The following ERN1 variants were observed in gnomAD, a reference collection of about 807,000 sequenced individuals.
The protein encoded by ERN1 is serine/threonine-protein kinase/endoribonuclease IRE1.
A neutral mutation model predicts 113.1 loss-of-function variants in ERN1; 39 were observed. The observed-to-expected ratio is 0.34, with a 90% CI of 0.27 to 0.45. ERN1 has a LOEUF of 0.45. Ranked by LOEUF, ERN1 falls within the 20% of genes least tolerant of loss-of-function variation. The pLI, the probability that ERN1 is intolerant of heterozygous loss-of-function variation, is 1.00. For synonymous variants in ERN1, 507 were observed against 515.9 expected (o/e 0.98, Z 0.23); for missense variants, 976 against 1,274.8 (o/e 0.77, Z 3.57).
In ERN1 at chr17:64,078,090, A is replaced by G. The variant is rs111942518; in HGVS notation, c.282+1572T>C. On this transcript the variant is annotated intron_variant, in intron 4 of 21. Transcript: ENST00000433197. ...AGGAGGGCATTACTGGGTCCTAAGGACTTTAGCACTTACTGCCAACAGTTT... is the reference window on the plus strand; with the variant it reads ...AGGAGGGCATTACTGGGTCCTAAGGGCTTTAGCACTTACTGCCAACAGTTT... 3.1e-3 allele frequency among the ~76,000 whole-genome samples: 477 copies of G among 152,252 alleles called. 2 individuals are homozygous for G. The highest frequency in any genetic ancestry group is 0.011 in the African/African-American group (462 of 41,530).
At chr17:64,082,824 A>G (rs2143416675) in intron 2 of ERN1, among the ~76,000 whole-genome samples, 1 of 150,604 alleles carries the variant, frequency 6.6e-6, no homozygotes, top group Non-Finnish European at 1.5e-5. Context: ...TTCCCGGGAC[A>G]ACTACATTGG....
At chr17:64,071,078 C>T (rs1350653265) in intron 6 of ERN1, among the ~76,000 whole-genome samples, 2 of 152,136 alleles carry the variant, frequency 1.3e-5, no homozygotes, top group Non-Finnish European at 2.9e-5. Flanking sequence ...AAGAAAGAGG[C>T]TGAAAAGGGA....
At chr17:64,124,399 C>T (rs1371689044) in intron 1 of ERN1, among the ~76,000 whole-genome samples, 2 of 152,224 alleles carry the variant, frequency 1.3e-5, no homozygotes, top group African/African-American at 4.8e-5. Context: ...TGTCCCCACC[C>T]AAATCTCATC....
At chr17:64,104,214 C>T (rs532274531) in intron 1 of ERN1, among the ~76,000 whole-genome samples, 1 of 152,292 alleles carries the variant, frequency 6.6e-6, no homozygotes, top group South Asian at 2.1e-4. Flanking sequence ...TGCACTCTAA[C>T]CTGAGCAACA....
At chr17:64,073,585 G>C (rs1350980901) in intron 5 of ERN1, among the ~76,000 whole-genome samples, 1 of 151,176 alleles carries the variant, frequency 6.6e-6, no homozygotes, top group South Asian at 2.1e-4. Context: ...TCCGCCTCCA[G>C]GGTTCAAGCG....
Position 64,041,999 on chromosome 17 carries a change from G to C in ERN1, c.*1989C>G, listed in dbSNP as rs1257453815. 6.6e-6 allele frequency: 1 copy of C among 152,260 alleles called. No individual in the cohort carries two copies. Among genetic ancestry groups the C allele is most frequent in the Admixed American group, 6.5e-5 (1 of 15,278 alleles). 9.4% of individuals were successfully genotyped at this position (152,260 alleles called of 1,614,324 possible). A position where few individuals can be genotyped will look rare whatever the true frequency, so the allele number is the denominator to read the frequency against. ...TAGAAATCACCTGGGTACTCCCAAAGAGAAAACCTGTGCTGAGAACGAGCT... is the reference window on the plus strand; with the variant it reads ...TAGAAATCACCTGGGTACTCCCAAACAGAAAACCTGTGCTGAGAACGAGCT... On this transcript the variant is annotated 3_prime_UTR_variant, in exon 22 of 22. Coordinates refer to ENST00000433197, the MANE Select transcript of ERN1 (RefSeq NM_001433.5).
chr17:64,084,925 G>A (rs899530712), intron 2 of ERN1, among the ~76,000 whole-genome samples: 6 of 152,130 alleles, frequency 3.9e-5, no homozygotes, highest in African/African-American at 1.4e-4. Context: ...ACCTCAGAGC[G>A]GTCTTCCATG....
chr17:64,108,045 C>T (rs1003620882), intron 1 of ERN1, among the ~76,000 whole-genome samples: 1 of 152,090 alleles, frequency 6.6e-6, no homozygotes, highest in African/African-American at 2.4e-5. Context: ...AAGGCCAAGG[C>T]CTAACTGAAC....
In ERN1 at chr17:64,040,689, G is replaced by A. The variant is rs1163802355; in HGVS notation, c.*3299C>T. 1 of 152,076 alleles carries A rather than the reference G, an allele frequency of 6.6e-6. No individual in the cohort carries two copies. The highest frequency in any genetic ancestry group is 1.5e-5 in the Non-Finnish European group (1 of 68,042). 9.4% of individuals were successfully genotyped at this position (152,076 alleles called of 1,614,324 possible). ...GATCAGAGTGATGTCTCCTTGGAAGGGCCTCTGACCACCACTGCACTGAGA... is the reference window on the plus strand; with the variant it reads ...GATCAGAGTGATGTCTCCTTGGAAGAGCCTCTGACCACCACTGCACTGAGA... On this transcript the variant is annotated 3_prime_UTR_variant, in exon 22 of 22. Transcript: ENST00000433197.
intron 5 of ERN1, among the ~76,000 whole-genome samples, chr17:64,074,574 A>G (rs542169257): frequency 6.6e-6 from 1 of 152,380 alleles, no homozygotes; most frequent in South Asian, 2.1e-4. Flanking sequence ...AGTTCCTCAA[A>G]AAGAAAGCTG....
At chr17:64,052,163 G>A (rs1273360008) in intron 17 of ERN1, among the ~76,000 whole-genome samples, 1 of 152,054 alleles carries the variant, frequency 6.6e-6, no homozygotes, top group Non-Finnish European at 1.5e-5. Context: ...AGACCAGCCT[G>A]GGCAAAATAG....
chr17:64,070,560 T>G (rs9944456), intron 6 of ERN1, among the ~76,000 whole-genome samples: 6,066 of 152,290 alleles, frequency 0.04, 394 homozygotes, highest in African/African-American at 0.14. Flanking sequence ...TTCTACAGTC[T>G]AAGACCTTCC....
rs149987215 is a variant in ERN1 at position 64,068,620 on chromosome 17, TA to T, written c.479-330del. Among the ~76,000 whole-genome samples, 583 of 152,250 alleles carry T rather than the reference TA, an allele frequency of 3.8e-3. 3 individuals carry two copies. Among genetic ancestry groups the T allele is most frequent in the African/African-American group, 0.013 (555 of 41,542 alleles). The stretch of plus-strand genomic sequence containing the variant: ...TACATAGCAATGGATTGCTGACAAT[TA>T]AAAATTGGCACCTTGAAGCAGGATG... On this transcript the variant is annotated intron_variant, in intron 6 of 21. Transcript: ENST00000433197.
intron 1 of ERN1, chr17:64,098,688 C>A: frequency 2.4e-6 from 1 of 413,662 alleles, no homozygotes; most frequent in South Asian, 1.8e-5. Flanking sequence ...ATGCTTAAAG[C>A]AAAATAGGAA....
chr17:64,120,385 C>T (rs539871795), intron 1 of ERN1, among the ~76,000 whole-genome samples: 76 of 152,290 alleles, frequency 5.0e-4, no homozygotes, highest in African/African-American at 1.8e-3. Flanking sequence ...TGTGACAGCA[C>T]TGTTTGTTCA....
chr17:64,056,136 C>T (rs1171628204), intron 12 of ERN1, among the ~76,000 whole-genome samples, 188 bp from the exon 13 acceptor site: 1 of 152,214 alleles, frequency 6.6e-6, no homozygotes, highest in African/African-American at 2.4e-5. Context: ...TTTCCACCGA[C>T]TAGTTAGATC....
chr17:64,060,371 G>T, intron 11 of ERN1, 98 bp downstream of exon 11: 1 of 787,758 alleles, frequency 1.3e-6, no homozygotes, highest in Non-Finnish European at 2.2e-6. Flanking sequence ...TTCCCTCCCA[G>T]ACTAGGCTGC....
rs192685674 is a variant in ERN1 at position 64,118,112 on chromosome 17, T to C, written c.54+11864A>G. On this transcript the variant is annotated intron_variant, in intron 1 of 21. Transcript: ENST00000433197. ...AGGCTGCACCAGAAAAAGAGGCGGC[T>C]GGGGGACTAGTCGCTTTCACCTAAA... Among the ~76,000 whole-genome samples the C allele has an allele frequency of 3.3e-3, 498 of 152,224 alleles. 2 individuals carry two copies. Among genetic ancestry groups the C allele is most frequent in the African/African-American group, 0.012 (480 of 41,528 alleles).
intron 1 of ERN1, among the ~76,000 whole-genome samples, chr17:64,120,416 G>C (rs948359931): frequency 6.6e-6 from 1 of 152,092 alleles, no homozygotes; most frequent in African/African-American, 2.4e-5. Flanking sequence ...AGAAAAATTC[G>C]GTTTCCATGA....
Sources: gnomAD v4.1 joint callset for allele counts (sites outside exome capture counted in the v4.1 genomes callset) on GRCh38, gnomAD v4.1.1 for gene constraint, MANE v1.5 for transcripts, NCBI Gene and HGNC (gene_info 2026-07-23, HGNC 2026-07-21) for gene names.